The following ATXN1 variants were observed in gnomAD, a reference collection of about 807,000 sequenced individuals.
ATXN1 encodes the protein ataxin-1.
Under a neutral mutation model 56.4 loss-of-function variants are expected in ATXN1, and 8 were observed. The ratio of observed to expected loss-of-function variants is 0.14; its 90% CI spans 0.08 to 0.26. The LOEUF is 0.26. Ranked by LOEUF, ATXN1 falls within the 10% of genes least tolerant of loss-of-function variation. The pLI, the probability that ATXN1 is intolerant of heterozygous loss-of-function variation, is 1.00. For synonymous variants in ATXN1, 514 were observed against 494.6 expected (o/e 1.04, Z -0.52); for missense variants, 987 against 1,106.5 (o/e 0.89, Z 1.53).
intron 6 of ATXN1, among the ~76,000 whole-genome samples, chr6:16,346,216 T>C (rs1178334623): frequency 6.6e-6 from 1 of 152,118 alleles, no homozygotes; most frequent in Non-Finnish European, 1.5e-5. Context: ...CCACCATGCC[T>C]GGCTAGTTTT....
Position 16,327,290 on chromosome 6 carries a change from C to T in ATXN1, c.1021G>A (p.Asp341Asn), listed in dbSNP as rs1286701675. Residue 341 changes from aspartate to asparagine, a missense_variant, in exon 7 of 8, where the codon GAC becomes AAC. Asp to Asn is a conservative substitution (Grantham distance 23, BLOSUM62 1). Coordinates refer to ENST00000436367, the MANE Select transcript of ATXN1 (RefSeq NM_001128164.2). Reference protein sequence around the residue: ...SRRYGAPSSADLGLGKAGGKS... With the variant: ...SRRYGAPSSANLGLGKAGGKS... ...CCGCCTGCCTTGCCCAGGCCCAGGT[C>T]GGCTGAGGACGGGGCCCCGTACCGC... 4.3e-6 allele frequency: 7 copies of T among 1,613,114 alleles called. No individual in the cohort carries two copies. Among genetic ancestry groups the T allele is most frequent in the Non-Finnish European group, 5.9e-6 (7 of 1,179,906 alleles).
At chr6:16,659,237 C>A (rs1372819075) in intron 2 of ATXN1, among the ~76,000 whole-genome samples, 1 of 152,172 alleles carries the variant, frequency 6.6e-6, no homozygotes, top group Non-Finnish European at 1.5e-5. Context: ...TCAGTACCCA[C>A]AGAAAATGGG....
At chr6:16,507,606 C>T (rs1348549340) in intron 5 of ATXN1, among the ~76,000 whole-genome samples, 3 of 152,094 alleles carry the variant, frequency 2.0e-5, no homozygotes, top group Admixed American at 1.3e-4. Flanking sequence ...CCAAAGAAAG[C>T]CCTCAGAAAA....
chr6:16,526,536 G>A (rs1392119126), intron 4 of ATXN1, among the ~76,000 whole-genome samples: 4 of 151,932 alleles, frequency 2.6e-5, no homozygotes, highest in Non-Finnish European at 4.4e-5. Flanking sequence ...AGGCCAAGGC[G>A]GGTGGATTAC....
At chr6:16,338,965 C>G (rs764816961) in intron 6 of ATXN1, among the ~76,000 whole-genome samples, 1 of 152,176 alleles carries the variant, frequency 6.6e-6, no homozygotes, top group Admixed American at 6.6e-5. Flanking sequence ...AAAGCTCAGA[C>G]GCTAAACTCA....
chr6:16,430,051 C>T (rs980761941), intron 6 of ATXN1, among the ~76,000 whole-genome samples: 2 of 152,110 alleles, frequency 1.3e-5, no homozygotes, highest in East Asian at 3.9e-4. Context: ...ATTTTTGTGG[C>T]GGGTGTTGAG....
At chr6:16,356,685 GA>G in intron 6 of ATXN1, among the ~76,000 whole-genome samples, 1 of 152,226 alleles carries the variant, frequency 6.6e-6, no homozygotes, top group East Asian at 1.9e-4. Context: ...TTCTTTGGGG[GA>G]AAAGCATATA....
chr6:16,428,533 C>G (rs535528552), intron 6 of ATXN1, among the ~76,000 whole-genome samples: 2 of 151,514 alleles, frequency 1.3e-5, no homozygotes, highest in East Asian at 4.0e-4. Context: ...ATTTCTTAAG[C>G]GCTTGCACTG....
At chr6:16,321,138 C>T (rs926029917) in intron 7 of ATXN1, among the ~76,000 whole-genome samples, 2 of 152,188 alleles carry the variant, frequency 1.3e-5, no homozygotes, top group African/African-American at 4.8e-5. Flanking sequence ...CTCTTCAGTG[C>T]CAGTTCCTGC....
At chr6:16,409,456 C>T (rs1032215842) in intron 6 of ATXN1, among the ~76,000 whole-genome samples, 8 of 151,998 alleles carry the variant, frequency 5.3e-5, no homozygotes, top group African/African-American at 1.7e-4. Context: ...AGTTCAAGAC[C>T]AGCCTGGCCA....
At chr6:16,702,416 T>C (rs899396250) in intron 2 of ATXN1, among the ~76,000 whole-genome samples, 1 of 152,152 alleles carries the variant, frequency 6.6e-6, no homozygotes, top group Non-Finnish European at 1.5e-5. Context: ...ATTCAGGACA[T>C]AGGCATGGGC....
chr6:16,715,086 G>T (rs1759611170), intron 2 of ATXN1, among the ~76,000 whole-genome samples: 2 of 151,864 alleles, frequency 1.3e-5, no homozygotes, highest in African/African-American at 2.4e-5. Context: ...TTTCTCACTT[G>T]GATAACAGGA....
intron 5 of ATXN1, among the ~76,000 whole-genome samples, chr6:16,499,585 T>C (rs1481571608): frequency 6.6e-6 from 1 of 152,196 alleles, no homozygotes; most frequent in Non-Finnish European, 1.5e-5. Flanking sequence ...CCTCTGTGTT[T>C]GTGCCCCTCT....
At chr6:16,707,759 A>T (rs1269009538) in intron 2 of ATXN1, among the ~76,000 whole-genome samples, 2 of 152,178 alleles carry the variant, frequency 1.3e-5, no homozygotes, top group Non-Finnish European at 2.9e-5. Flanking sequence ...TCATTTGGGG[A>T]ACTTAAAAAT....
intron 3 of ATXN1, among the ~76,000 whole-genome samples, chr6:16,595,486 T>C (rs1054696515): frequency 6.6e-6 from 1 of 152,246 alleles, no homozygotes; most frequent in African/African-American, 2.4e-5. Flanking sequence ...ACTGTTCAAA[T>C]GTTAAGAAGT....
chr6:16,713,750 C>A (rs780714233), intron 2 of ATXN1, among the ~76,000 whole-genome samples: 1 of 152,224 alleles, frequency 6.6e-6, no homozygotes, highest in Non-Finnish European at 1.5e-5. Flanking sequence ...TCAGGCTCCA[C>A]CCTAGAACTA....
chr6:16,313,497 G>T (rs1450275432), intron 7 of ATXN1, among the ~76,000 whole-genome samples: 2 of 151,980 alleles, frequency 1.3e-5, no homozygotes, highest in African/African-American at 4.8e-5. Context: ...ATTCACGAGA[G>T]AAAAGTGATG....
Position 16,541,092 on chromosome 6 carries a change from C to G in ATXN1, c.-360-18404G>C, listed in dbSNP as rs576080286. Among the ~76,000 whole-genome samples the G allele has an allele frequency of 2.0e-5, 3 of 152,246 alleles. No individual in the cohort carries two copies. The East Asian group carries it at 5.8e-4, about 29-fold the overall frequency. On this transcript the variant is annotated intron_variant, in intron 4 of 7. Transcript: ENST00000436367. ...TTCTAAGAAAACTATTTTACATAGC[C>G]TCAGAATATCACAGAGCTGAAGGAG...
chr6:16,327,660 C>CTGCTGCTGCTGATGCTGCTGA lies in ATXN1; in HGVS notation c.650_651insTCAGCAGCATCAGCAGCAGCA (p.Gln216_Gln217insHisGlnGlnHisGlnGlnGln). On this transcript the variant is annotated inframe_insertion, in exon 7 of 8. Coordinates refer to ENST00000436367, the MANE Select transcript of ATXN1 (RefSeq NM_001128164.2). ...GCTGCTGCTGCTGCTGCTGCTGCTGCTGCTGCTGCTGCTGCTGATGCTGAT... is the reference window on the plus strand; with the variant it reads ...GCTGCTGCTGCTGCTGCTGCTGCTGCTGCTGCTGCTGATGCTGCTGATGCTGCTGCTGCTGCTGATGCTGAT... 6.4e-7 allele frequency: 1 copy of CTGCTGCTGCTGATGCTGCTGA among 1,554,402 alleles called. No individual in the cohort carries two copies. Among genetic ancestry groups the CTGCTGCTGCTGATGCTGCTGA allele is most frequent in the Non-Finnish European group, 8.6e-7 (1 of 1,160,014 alleles).
Sources: gnomAD v4.1 joint callset for allele counts (sites outside exome capture counted in the v4.1 genomes callset) on GRCh38, gnomAD v4.1.1 for gene constraint, MANE v1.5 for transcripts, NCBI Gene and HGNC (gene_info 2026-07-23, HGNC 2026-07-21) for gene names.